Variants in CNTNAP2 observed in about 807,000 individuals in gnomAD.
CNTNAP2 encodes contactin-associated protein-like 2.
In CNTNAP2, 98 loss-of-function variants were observed where a neutral mutation model predicts 155.2. That is an observed-to-expected ratio of 0.63 (90% confidence interval 0.54 to 0.75). The LOEUF (loss-of-function observed/expected upper bound fraction) is 0.75. CNTNAP2 is among the 30% of genes least tolerant of loss of function. The pLI, the probability that CNTNAP2 is intolerant of heterozygous loss-of-function variation, is 0.00. For missense variants in CNTNAP2, 1,727 were observed against 1,688.1 expected, an observed-to-expected ratio of 1.02 and a Z score of -0.40; for synonymous variants, 651 against 631.2, an observed-to-expected ratio of 1.03 and a Z score of -0.47.
At chr7:148,173,138 C>A (rs905634110) in intron 18 of CNTNAP2, among the ~76,000 whole-genome samples, 8 of 152,090 alleles carry the variant, frequency 5.3e-5, no homozygotes, top group Non-Finnish European at 8.8e-5. Flanking sequence ...TCCGCAGAGC[C>A]AATGAGCAGA....
chr7:146,409,645 A>G lies in CNTNAP2; in HGVS notation c.97+292672A>G, dbSNP rs1408548917. On this transcript the variant is annotated intron_variant, in intron 1 of 23. Transcript: ENST00000361727. Reference sequence around the variant, plus strand: ...TATGTTAAATTTGTTAGCTTTTCTAATTTTCTCACCTTCCCAAGGGTAAAA... The same window carrying G: ...TATGTTAAATTTGTTAGCTTTTCTAGTTTTCTCACCTTCCCAAGGGTAAAA... Among the ~76,000 whole-genome samples, 13 of 152,114 alleles carry G rather than the reference A, an allele frequency of 8.5e-5. No homozygotes were observed. In the East Asian group the frequency reaches 2.5e-3, roughly 29 times the overall value.
At chr7:146,860,176 C>T (rs1795071746) in intron 3 of CNTNAP2, among the ~76,000 whole-genome samples, 1 of 152,200 alleles carries the variant, frequency 6.6e-6, no homozygotes, top group Non-Finnish European at 1.5e-5. Context: ...ACTCCACCAT[C>T]ATGACCCTCA....
At chr7:146,385,592 A>G (rs577206583) in intron 1 of CNTNAP2, among the ~76,000 whole-genome samples, 6 of 152,182 alleles carry the variant, frequency 3.9e-5, no homozygotes, top group Non-Finnish European at 8.8e-5. Flanking sequence ...TTGAATTTGG[A>G]TGAGATTTAT....
intron 3 of CNTNAP2, among the ~76,000 whole-genome samples, chr7:147,009,539 G>A (rs1200271256): frequency 6.6e-6 from 1 of 152,184 alleles, no homozygotes; most frequent in Admixed American, 6.5e-5. Context: ...GGTATCATTA[G>A]TAGCCAGTGG....
At chr7:148,030,467 G>A (rs1377828554) in intron 15 of CNTNAP2, among the ~76,000 whole-genome samples, 1 of 152,058 alleles carries the variant, frequency 6.6e-6, no homozygotes, top group Non-Finnish European at 1.5e-5. Flanking sequence ...GGGGACTACT[G>A]AATACATATG....
At chr7:147,778,488 A>G (rs1797620439) in intron 13 of CNTNAP2, among the ~76,000 whole-genome samples, 1 of 152,110 alleles carries the variant, frequency 6.6e-6, no homozygotes, top group South Asian at 2.1e-4. Flanking sequence ...AAGAGTTGGG[A>G]CTATTATCTG....
intron 9 of CNTNAP2, among the ~76,000 whole-genome samples, chr7:147,376,554 G>A (rs957307062): frequency 8.6e-5 from 13 of 151,746 alleles, no homozygotes; most frequent in Middle Eastern, 3.2e-3. Context: ...CTCTCAGAGC[G>A]CCTTTTTCCT....
At chr7:146,161,450 T>A (rs892832896) in intron 1 of CNTNAP2, among the ~76,000 whole-genome samples, 1 of 152,098 alleles carries the variant, frequency 6.6e-6, no homozygotes. Flanking sequence ...GATTCCAACT[T>A]GCAAGAGATG....
rs150513532 is a variant in CNTNAP2, at chr7:146,669,891, C to A, written c.98-104380C>A. On this transcript the variant is annotated intron_variant, in intron 1 of 23. Transcript: ENST00000361727. ...TTTTTCATGTTCTTTATCTTAGATT[C>A]TGAGGACAAAAAGCAATGAACACAG... Among the ~76,000 whole-genome samples, 34 of 152,130 alleles carry A rather than the reference C, an allele frequency of 2.2e-4. No individual in the cohort carries two copies. In the East Asian group the frequency reaches 6.0e-3, roughly 27 times the overall value.
intron 3 of CNTNAP2, among the ~76,000 whole-genome samples, chr7:146,860,914 C>T (rs1369907493): frequency 6.6e-6 from 1 of 152,136 alleles, no homozygotes; most frequent in East Asian, 1.9e-4. Flanking sequence ...TTTTGTACCC[C>T]TTCTTCCTAC....
At chr7:147,721,428 T>A (rs1796564706) in intron 13 of CNTNAP2, among the ~76,000 whole-genome samples, 1 of 152,106 alleles carries the variant, frequency 6.6e-6, no homozygotes, top group Admixed American at 6.6e-5. Flanking sequence ...CTTCTATAAA[T>A]CTAAGCAATG....
At chr7:148,081,501 C>A (rs145652283) in intron 15 of CNTNAP2, among the ~76,000 whole-genome samples, 1 of 152,066 alleles carries the variant, frequency 6.6e-6, no homozygotes, top group African/African-American at 2.4e-5. Flanking sequence ...CCCAGCCTAC[C>A]TCTTTCTCCC....
intron 15 of CNTNAP2, among the ~76,000 whole-genome samples, chr7:148,040,236 T>G (rs780893864): frequency 2.6e-5 from 4 of 152,180 alleles, no homozygotes; most frequent in Non-Finnish European, 5.9e-5. Context: ...TTCTCCAAAA[T>G]AAGCAAAAGC....
rs926741863 is a variant in CNTNAP2, at chr7:146,821,641, C to G, written c.209-18070C>G. Among the ~76,000 whole-genome samples, 17 of 152,036 alleles carry G rather than the reference C, an allele frequency of 1.1e-4. No homozygotes were observed. The East Asian group carries it at 1.9e-3, about 17-fold the overall frequency. On this transcript the variant is annotated intron_variant, in intron 2 of 23. Coordinates refer to ENST00000361727, the MANE Select transcript of CNTNAP2 (RefSeq NM_014141.6). ...AATTTACAAGAAAAAAACAAACAACCCCATCAAAAAGTGGGCGAAGGATGT... is the reference window on the plus strand; with the variant it reads ...AATTTACAAGAAAAAAACAAACAACGCCATCAAAAAGTGGGCGAAGGATGT...
intron 15 of CNTNAP2, among the ~76,000 whole-genome samples, chr7:148,088,140 A>G (rs1413947122): frequency 2.0e-5 from 3 of 152,058 alleles, no homozygotes; most frequent in African/African-American, 7.2e-5. Flanking sequence ...CCTTGTATCT[A>G]GCACTGATGG....
intron 1 of CNTNAP2, among the ~76,000 whole-genome samples, chr7:146,721,910 A>C (rs1801342935): frequency 1.1e-5 from 1 of 93,774 alleles, no homozygotes; most frequent in Non-Finnish European, 1.8e-5. Context: ...TTTTTTTGAG[A>C]TGGAACCTGG....
intron 1 of CNTNAP2, among the ~76,000 whole-genome samples, chr7:146,724,661 C>A (rs1024674016): frequency 1.3e-5 from 2 of 149,266 alleles, no homozygotes; most frequent in African/African-American, 4.9e-5. Flanking sequence ...ACCTCCGACT[C>A]CGTGGTTCAA....
At chr7:147,659,770 G>A (rs578204389) in intron 13 of CNTNAP2, among the ~76,000 whole-genome samples, 4 of 152,250 alleles carry the variant, frequency 2.6e-5, no homozygotes, top group Admixed American at 6.5e-5. Flanking sequence ...AAACCTTACC[G>A]GATGTTGCCT....
At chr7:147,612,103 A>T (rs1359586556) in intron 12 of CNTNAP2, among the ~76,000 whole-genome samples, 1 of 152,180 alleles carries the variant, frequency 6.6e-6, no homozygotes. Context: ...ATCTAACATT[A>T]TGTTGAGTCT....
Sources: allele counts gnomAD v4.1 joint callset (sites outside exome capture counted in the v4.1 genomes callset), GRCh38; gene constraint gnomAD v4.1.1; transcripts MANE v1.5; gene names NCBI Gene and HGNC (gene_info 2026-07-23, HGNC 2026-07-21).